The following NAV3 variants were observed in gnomAD, a reference collection of about 807,000 sequenced individuals.
NAV3 encodes pore membrane and/or filament interacting like protein 1.
Under a neutral mutation model 244.7 loss-of-function variants are expected in NAV3, and 87 were observed. The ratio of observed to expected loss-of-function variants is 0.36; its 90% CI spans 0.30 to 0.42. NAV3 has a LOEUF of 0.42. NAV3 is among the 20% of genes least tolerant of loss of function. NAV3 has a pLI of 1.00. For missense variants in NAV3, 2,663 were observed against 2,893.3 expected, an observed-to-expected ratio of 0.92 and a Z score of 1.83; for synonymous variants, 1,126 against 1,042.2, an observed-to-expected ratio of 1.08 and a Z score of -1.55.
intron 20 of NAV3, among the ~76,000 whole-genome samples, chr12:78,143,687 C>G (rs1243759825): frequency 6.0e-5 from 9 of 150,514 alleles, no homozygotes; most frequent in Admixed American, 4.0e-4. Flanking sequence ...GGAATCTAAG[C>G]CAACACTGTG....
intron 22 of NAV3, among the ~76,000 whole-genome samples, chr12:78,154,543 T>C (rs902870523): frequency 3.3e-5 from 5 of 151,388 alleles, no homozygotes; most frequent in South Asian, 4.2e-4. Flanking sequence ...ACCAGCCTAA[T>C]ACATTGTATG....
intron 1 of NAV3, among the ~76,000 whole-genome samples, chr12:77,853,074 G>A (rs1877795031): frequency 1.3e-5 from 2 of 152,142 alleles, no homozygotes; most frequent in African/African-American, 4.8e-5. Context: ...TTCTAAAGTG[G>A]TTGTACCAGA....
intron 2 of NAV3, among the ~76,000 whole-genome samples, chr12:77,592,063 G>A (rs990282899): frequency 1.3e-5 from 2 of 151,424 alleles, no homozygotes; most frequent in African/African-American, 2.4e-5. Context: ...AGCTTCGTTC[G>A]CACAGTGTCT....
At position 77,719,114 on chromosome 12, in the gene NAV3, G is replaced by T. The variant is rs1419642024; in HGVS notation, c.72+146848G>T. On this transcript the variant is annotated intron_variant, in intron 2 of 8. Transcript: ENST00000550042. ...GTGTTGCTTTCTTAGTTTCCATTTT[G>T]GATTGCTCATTGTTAGTGTATGGAA... Among the ~76,000 whole-genome samples the T allele has an allele frequency of 5.9e-5, 9 of 152,130 alleles. No homozygotes were observed. The East Asian group carries it at 1.7e-3, about 29-fold the overall frequency.
At chr12:77,842,612 T>C (rs979543981) in intron 1 of NAV3, among the ~76,000 whole-genome samples, 7 of 150,902 alleles carry the variant, frequency 4.6e-5, no homozygotes, top group South Asian at 2.1e-4. Context: ...GGAGGTGTCC[T>C]CTCTCTTGGC....
intron 12 of NAV3, among the ~76,000 whole-genome samples, chr12:78,073,434 A>G (rs2137673555): frequency 1.3e-5 from 2 of 152,002 alleles, no homozygotes; most frequent in Middle Eastern, 6.8e-3. Context: ...ACTCCCATTC[A>G]CAATTGCTTC....
At chr12:78,091,305 C>T (rs1593539161) in intron 12 of NAV3, among the ~76,000 whole-genome samples, 1 of 152,060 alleles carries the variant, frequency 6.6e-6, no homozygotes, top group South Asian at 2.1e-4. Context: ...ATGTTGGATT[C>T]CTTGAAGGTG....
chr12:77,590,703 C>G (rs1869866436), intron 2 of NAV3, among the ~76,000 whole-genome samples: 1 of 152,180 alleles, frequency 6.6e-6, no homozygotes, highest in South Asian at 2.1e-4. Context: ...CACAAATATG[C>G]TCATTCATGG....
At chr12:78,163,358 T>C (rs1374217041) in intron 23 of NAV3, among the ~76,000 whole-genome samples, 3 of 152,092 alleles carry the variant, frequency 2.0e-5, no homozygotes, top group Non-Finnish European at 4.4e-5. Flanking sequence ...TTTATATACT[T>C]ATAGCCTGGT....
chr12:78,169,228 A>T (rs554612242), intron 24 of NAV3, among the ~76,000 whole-genome samples: 1 of 151,878 alleles, frequency 6.6e-6, no homozygotes, highest in African/African-American at 2.4e-5. Context: ...ATTAATGAGT[A>T]TGATAATCTA....
intron 7 of NAV3, among the ~76,000 whole-genome samples, chr12:78,001,352 G>T (rs981602822): frequency 2.0e-5 from 3 of 152,032 alleles, no homozygotes; most frequent in Non-Finnish European, 4.4e-5. Context: ...TGTGTTCCTC[G>T]AATGCTTTTA....
At chr12:78,060,077 ATGT>A (rs1365171502) in intron 12 of NAV3, among the ~76,000 whole-genome samples, 6 of 151,994 alleles carry the variant, frequency 3.9e-5, no homozygotes, top group Non-Finnish European at 7.4e-5. Flanking sequence ...TGGTAAGATA[ATGT>A]TGTAATATAC....
At chr12:77,934,202 A>G (rs528157987) in intron 1 of NAV3, among the ~76,000 whole-genome samples, 2 of 152,142 alleles carry the variant, frequency 1.3e-5, no homozygotes, top group South Asian at 4.1e-4. Context: ...TGCCATTGCT[A>G]CCCACCAAGG....
At chr12:77,574,599 A>G (rs533467325) in intron 2 of NAV3, among the ~76,000 whole-genome samples, 1 of 152,218 alleles carries the variant, frequency 6.6e-6, no homozygotes, top group African/African-American at 2.4e-5. Flanking sequence ...GAGGTGAAGC[A>G]TTTTTTAATA....
chr12:77,827,387 C>T (rs942234799), upstream of NAV3, among the ~76,000 whole-genome samples: 11 of 151,688 alleles, frequency 7.3e-5, no homozygotes, highest in African/African-American at 4.8e-5. Context: ...TCTTAAAAAT[C>T]GTGGTTTGCA....
At chr12:77,967,775 G>C (rs1892643902) in intron 4 of NAV3, among the ~76,000 whole-genome samples, 1 of 151,888 alleles carries the variant, frequency 6.6e-6, no homozygotes, top group African/African-American at 2.4e-5. Context: ...ATCTTACACA[G>C]CAACTTCATC....
chr12:77,816,785 CA>C (rs11296500), intron 2 of NAV3, among the ~76,000 whole-genome samples: 42,584 of 152,052 alleles, frequency 0.28, 6,862 homozygotes, highest in East Asian at 0.4. Context: ...TGCAGAAATG[CA>C]AAAGTTACTT....
intron 1 of NAV3, among the ~76,000 whole-genome samples, chr12:77,883,247 G>A (rs1009979892): frequency 2.6e-5 from 4 of 152,088 alleles, no homozygotes; most frequent in Admixed American, 6.6e-5. Flanking sequence ...ATACACTGTG[G>A]AATACTATGC....
chr12:77,601,468 T>C (rs1592493051), intron 2 of NAV3, among the ~76,000 whole-genome samples: 1 of 152,006 alleles, frequency 6.6e-6, no homozygotes, highest in Admixed American at 6.6e-5. Flanking sequence ...AAGCAAACCT[T>C]GTAGGCCTCC....
Sources: gnomAD v4.1 joint callset for allele counts (sites outside exome capture counted in the v4.1 genomes callset) on GRCh38, gnomAD v4.1.1 for gene constraint, MANE v1.5 for transcripts, NCBI Gene and HGNC (gene_info 2026-07-23, HGNC 2026-07-21) for gene names.